The following PDGFC variants were observed in gnomAD, a reference collection of about 807,000 sequenced individuals.
The protein encoded by PDGFC is platelet derived growth factor C.
In PDGFC, 12 loss-of-function variants were observed where a neutral mutation model predicts 35.5. That is an observed-to-expected ratio of 0.34 (90% CI 0.22 to 0.55). The LOEUF (loss-of-function observed/expected upper bound fraction) is 0.55, where lower values mean the gene tolerates loss of function less well. Ranked by LOEUF, PDGFC falls within the 20% of genes least tolerant of loss-of-function variation. PDGFC has a pLI of 0.91. For missense variants in PDGFC, 322 were observed against 412.4 expected (o/e 0.78, Z 1.90); for synonymous variants, 159 against 148.8 (o/e 1.07, Z -0.50).
chr4:156,888,893 C>T (rs1231883424), intron 1 of PDGFC, among the ~76,000 whole-genome samples: 1 of 152,152 alleles, frequency 6.6e-6, no homozygotes, highest in Non-Finnish European at 1.5e-5. Flanking sequence ...GAAAAACATG[C>T]CTATTATTTC....
chr4:156,818,849 C>T lies in PDGFC; in HGVS notation c.315-7832G>A, dbSNP rs555943736. On this transcript the variant is annotated intron_variant, in intron 2 of 5. Transcript: ENST00000502773. ...AAAGTGAGAGACAGTGACTCTTTCA[C>T]TTGAACTCTTAGAGGCCATTTTAGC... 1.3e-4 allele frequency among the ~76,000 whole-genome samples: 20 copies of T among 152,282 alleles called. No individual in the cohort carries two copies. The South Asian group carries it at 3.9e-3, about 30-fold the overall frequency.
Position 156,937,143 on chromosome 4 carries a change from C to G in PDGFC, c.118+33643G>C, listed in dbSNP as rs555121680. 2.6e-5 allele frequency among the ~76,000 whole-genome samples: 4 copies of G among 152,180 alleles called. No homozygotes were observed. In the South Asian group the frequency reaches 8.3e-4, roughly 32 times the overall value. On this transcript the variant is annotated intron_variant, in intron 1 of 5. Transcript: ENST00000502773. ...AGAGATTTGAAATTATCAATAAATACATGGTTATTGAAGCCATAGTGATAG... is the reference window on the plus strand; with the variant it reads ...AGAGATTTGAAATTATCAATAAATAGATGGTTATTGAAGCCATAGTGATAG...
intron 1 of PDGFC, among the ~76,000 whole-genome samples, chr4:156,855,706 T>A (rs1056569810): frequency 1.3e-5 from 2 of 152,194 alleles, no homozygotes; most frequent in Admixed American, 6.5e-5. Context: ...TGCTCACTGT[T>A]TTTTTCACCT....
intron 1 of PDGFC, among the ~76,000 whole-genome samples, chr4:156,942,419 C>A (rs1731831610): frequency 6.6e-6 from 1 of 151,856 alleles, no homozygotes; most frequent in African/African-American, 2.4e-5. Flanking sequence ...TGAAAATAAG[C>A]CTTTAAGATT....
chr4:156,947,752 T>C (rs1357486699), intron 1 of PDGFC, among the ~76,000 whole-genome samples: 1 of 151,960 alleles, frequency 6.6e-6, no homozygotes, highest in African/African-American at 2.4e-5. Flanking sequence ...CAGTGTTTCT[T>C]CCAAAAACTA....
At position 156,814,717 on chromosome 4, in the gene PDGFC, C is replaced by A. The variant is rs1258059164; in HGVS notation, c.315-3700G>T. ...TTTATTTCTGTTTAAAAATAAACTA[C>A]CTCATATGTTATATGATCTGTAACT... On this transcript the variant is annotated intron_variant, in intron 2 of 5. Coordinates refer to ENST00000502773, the MANE Select transcript of PDGFC (RefSeq NM_016205.3). Among the ~76,000 whole-genome samples, 5 of 152,198 alleles carry A rather than the reference C, an allele frequency of 3.3e-5. No individual in the cohort carries two copies. The South Asian group carries it at 1.0e-3, about 32-fold the overall frequency.
intron 2 of PDGFC, among the ~76,000 whole-genome samples, chr4:156,835,342 T>G (rs577807699): frequency 5.9e-5 from 9 of 152,306 alleles, no homozygotes; most frequent in African/African-American, 1.9e-4. Flanking sequence ...GAATGTCAAT[T>G]AGTTCAGCCA....
In PDGFC at chr4:156,761,569, T is replaced by C. The variant is rs1272170812; in HGVS notation, c.*1521A>G. ...CATAACAGAAAATTTTATCTTTCAT[T>C]TTCTCAGAGTCCAAGAAATAAATCT... is the stretch of plus-strand genomic sequence containing the variant. On this transcript the variant is annotated 3_prime_UTR_variant, in exon 6 of 6. Transcript: ENST00000502773. 6.6e-6 allele frequency: 1 copy of C among 152,466 alleles called. No homozygotes were observed. Among genetic ancestry groups the C allele is most frequent in the African/African-American group, 2.4e-5 (1 of 41,446 alleles). 9.4% of individuals were successfully genotyped at this position (152,466 alleles called of 1,614,324 possible).
intron 3 of PDGFC, among the ~76,000 whole-genome samples, chr4:156,785,731 C>T (rs984138979): frequency 3.3e-5 from 5 of 152,090 alleles, no homozygotes; most frequent in Non-Finnish European, 5.9e-5. Context: ...GATCAACTTA[C>T]GGGACTATTA....
chr4:156,890,282 G>T (rs1730472629), intron 1 of PDGFC, among the ~76,000 whole-genome samples: 1 of 151,862 alleles, frequency 6.6e-6, no homozygotes, highest in Non-Finnish European at 1.5e-5. Flanking sequence ...GCAGGGATTT[G>T]TCCACTGCAA....
At chr4:156,912,611 T>G (rs145863516) in intron 1 of PDGFC, among the ~76,000 whole-genome samples, 2,246 of 152,218 alleles carry the variant, frequency 0.015, 58 homozygotes, top group African/African-American at 0.051. Context: ...AAACTGACAG[T>G]ATTCTAGAAG....
intron 1 of PDGFC, among the ~76,000 whole-genome samples, chr4:156,891,889 G>A (rs1027595974): frequency 3.9e-5 from 6 of 152,148 alleles, no homozygotes; most frequent in African/African-American, 9.7e-5. Context: ...GGGTGTCAAT[G>A]TACATTAAAG....
intron 5 of PDGFC, among the ~76,000 whole-genome samples, chr4:156,765,875 C>A (rs1417901032): frequency 6.6e-6 from 1 of 152,150 alleles, no homozygotes; most frequent in African/African-American, 2.4e-5. Flanking sequence ...ATATTAATGG[C>A]ATGAAAATTG....
chr4:156,903,153 A>C lies in PDGFC; in HGVS notation c.119-52737T>G, dbSNP rs543615989. Reference sequence around the variant, plus strand: ...TGTGTATAAACTAGATCACATATGTATTACAGTGAAAAGGGCAGTTATTTC... The same window carrying C: ...TGTGTATAAACTAGATCACATATGTCTTACAGTGAAAAGGGCAGTTATTTC... On this transcript the variant is annotated intron_variant, in intron 1 of 5. Coordinates refer to ENST00000502773, the MANE Select transcript of PDGFC (RefSeq NM_016205.3). Among the ~76,000 whole-genome samples the C allele has an allele frequency of 4.0e-5, 6 of 151,532 alleles. No homozygotes were observed. The East Asian group carries it at 1.2e-3, about 29-fold the overall frequency.
chr4:156,849,799 G>C (rs1729409648), intron 2 of PDGFC, among the ~76,000 whole-genome samples: 1 of 152,078 alleles, frequency 6.6e-6, no homozygotes, highest in Non-Finnish European at 1.5e-5. Context: ...CCTGTGGATA[G>C]AACTTTTTCT....
intron 2 of PDGFC, among the ~76,000 whole-genome samples, chr4:156,825,574 A>ATAATAATAATAATAATAATAC (rs1419835528): frequency 9.2e-5 from 10 of 108,868 alleles, no homozygotes; most frequent in Middle Eastern, 4.3e-3. Context: ...AATAATAATA[A>ATAATAATAATAATAATAATAC]TAATAATAAT....
At chr4:156,959,204 T>A (rs1732280940) in intron 1 of PDGFC, among the ~76,000 whole-genome samples, 1 of 152,042 alleles carries the variant, frequency 6.6e-6, no homozygotes, top group African/African-American at 2.4e-5. Flanking sequence ...TTAGGTATGC[T>A]TTCCAAGTGC....
intron 2 of PDGFC, among the ~76,000 whole-genome samples, chr4:156,840,971 G>A (rs9999597): frequency 0.043 from 6,604 of 152,146 alleles, 497 homozygotes; most frequent in African/African-American, 0.15. Context: ...ATTGTATCTA[G>A]GAAGTAACTA....
intron 2 of PDGFC, among the ~76,000 whole-genome samples, chr4:156,848,328 T>C (rs1018605858): frequency 6.6e-6 from 1 of 151,910 alleles, no homozygotes; most frequent in African/African-American, 2.4e-5. Context: ...ATGTATAAAC[T>C]GATAATTTTG....
Sources: allele counts gnomAD v4.1 joint callset (sites outside exome capture counted in the v4.1 genomes callset), GRCh38; gene constraint gnomAD v4.1.1; transcripts MANE v1.5; gene names NCBI Gene and HGNC (gene_info 2026-07-23, HGNC 2026-07-21).